BABAM2: variants seen among roughly 807,000 people sequenced by gnomAD.
BABAM2 encodes BRISC and BRCA1 A complex member 2.
A neutral mutation model predicts 54.7 loss-of-function variants in BABAM2; 31 were observed. The ratio of observed to expected loss-of-function variants is 0.57; its 90% CI spans 0.43 to 0.77. The LOEUF (loss-of-function observed/expected upper bound fraction) is 0.77, where lower values mean the gene tolerates loss of function less well. Among genes scored for constraint, BABAM2 ranks in the 30% least tolerant of loss-of-function variants. The pLI, the probability that BABAM2 is intolerant of heterozygous loss-of-function variation, is 0.00. For synonymous variants in BABAM2, 167 were observed against 162.9 expected (o/e 1.03, Z -0.19); for missense variants, 364 against 455.8 (o/e 0.80, Z 1.83).
intron 10 of BABAM2, among the ~76,000 whole-genome samples, chr2:28,255,216 G>C (rs1434428655): frequency 6.6e-6 from 1 of 152,114 alleles, no homozygotes; most frequent in Non-Finnish European, 1.5e-5. Flanking sequence ...AATCTTGAAA[G>C]CCTTTCTTTA....
intron 11 of BABAM2, among the ~76,000 whole-genome samples, chr2:28,330,211 C>T (rs1690830703): frequency 6.6e-6 from 1 of 152,144 alleles, no homozygotes; most frequent in Admixed American, 6.5e-5. Flanking sequence ...TTATGACAAA[C>T]CCACAGCCAA....
At chr2:28,065,731 C>T (rs1285883272) in intron 6 of BABAM2, among the ~76,000 whole-genome samples, 1 of 152,060 alleles carries the variant, frequency 6.6e-6, no homozygotes, top group South Asian at 2.1e-4. Context: ...TCTCCATTTG[C>T]CCTGCCTGGT....
rs138877211 is a variant in BABAM2 at position 28,274,009 on chromosome 2, G to A, written c.935-24329G>A. ...ACTCATTCCTGTGTTTGCCACTCCC[G>A]TGCCTTCACCCTTGCTTATAACCTG... On this transcript the variant is annotated intron_variant, in intron 10 of 11. Coordinates refer to ENST00000379624, the MANE Select transcript of BABAM2 (RefSeq NM_199191.3). 6.9e-3 allele frequency among the ~76,000 whole-genome samples: 1,056 copies of A among 152,272 alleles called. 13 individuals are homozygous for A. The highest frequency in any genetic ancestry group is 0.048 in the South Asian group (230 of 4,812).
intron 5 of BABAM2, among the ~76,000 whole-genome samples, chr2:28,031,507 C>T (rs919296470): frequency 1.3e-5 from 2 of 151,904 alleles, no homozygotes; most frequent in African/African-American, 4.8e-5. Flanking sequence ...TAGGGCTCAG[C>T]CAGTATGGGA....
chr2:28,185,181 A>G (rs1357941869), intron 7 of BABAM2, among the ~76,000 whole-genome samples: 1 of 152,232 alleles, frequency 6.6e-6, no homozygotes, highest in East Asian at 1.9e-4. Context: ...TTAAAGTAAC[A>G]TTAATATATT....
intron 6 of BABAM2, among the ~76,000 whole-genome samples, chr2:28,097,749 A>T (rs993684238): frequency 2.0e-5 from 3 of 152,030 alleles, no homozygotes; most frequent in Non-Finnish European, 4.4e-5. Context: ...TGAATATGCT[A>T]TTCTGTTTTC....
chr2:28,083,194 C>T (rs1171030054), intron 6 of BABAM2, among the ~76,000 whole-genome samples: 1 of 152,160 alleles, frequency 6.6e-6, no homozygotes, highest in African/African-American at 2.4e-5. Flanking sequence ...TTACCACGTC[C>T]TGAACTGCTG....
intron 10 of BABAM2, among the ~76,000 whole-genome samples, chr2:28,279,572 T>C (rs1686167744): frequency 6.6e-6 from 1 of 152,116 alleles, no homozygotes; most frequent in Non-Finnish European, 1.5e-5. Flanking sequence ...CAGAGTTCAT[T>C]TTTGCTTCAT....
chr2:28,120,341 A>G (rs1233757179), intron 6 of BABAM2, among the ~76,000 whole-genome samples: 1 of 152,228 alleles, frequency 6.6e-6, no homozygotes, highest in Non-Finnish European at 1.5e-5. Context: ...ACAAGTAAAT[A>G]TACAGTAAAT....
chr2:27,990,009 G>A lies in BABAM2; in HGVS notation c.300+1922G>A, dbSNP rs990511328. On this transcript the variant is annotated intron_variant, in intron 4 of 11. Coordinates refer to ENST00000379624, the MANE Select transcript of BABAM2 (RefSeq NM_199191.3). ...CACTCTTAAGATGTTTAGTCCCTGAGTGAAGTTATCACAAATGTTTTGAGA... is the reference window on the plus strand; with the variant it reads ...CACTCTTAAGATGTTTAGTCCCTGAATGAAGTTATCACAAATGTTTTGAGA... Among the ~76,000 whole-genome samples, 122 of 152,236 alleles carry A rather than the reference G, an allele frequency of 8.0e-4. 1 individual carries two copies. The highest frequency in any genetic ancestry group is 2.8e-3 in the African/African-American group (116 of 41,542).
chr2:28,007,580 A>G (rs1221330132), intron 4 of BABAM2, among the ~76,000 whole-genome samples: 1 of 152,114 alleles, frequency 6.6e-6, no homozygotes, highest in Admixed American at 6.6e-5. Context: ...AAGCACAATT[A>G]TAAGGTTTAT....
intron 2 of BABAM2, among the ~76,000 whole-genome samples, chr2:27,920,013 A>G (rs562329925): frequency 1.3e-5 from 2 of 152,302 alleles, no homozygotes; most frequent in East Asian, 3.9e-4. Flanking sequence ...TTGGAATCCT[A>G]TGCTAAGAAT....
intron 10 of BABAM2, among the ~76,000 whole-genome samples, chr2:28,256,725 C>T: frequency 7.8e-6 from 1 of 128,350 alleles, no homozygotes; most frequent in African/African-American, 2.9e-5. Context: ...GATGGAGTCT[C>T]GCTCTGTCAC....
At chr2:27,912,910 A>C (rs1363656173) in intron 2 of BABAM2, among the ~76,000 whole-genome samples, 6 of 152,216 alleles carry the variant, frequency 3.9e-5, no homozygotes, top group African/African-American at 1.4e-4. Flanking sequence ...TAGTAGAGAT[A>C]TCAAAAGAAC....
chr2:28,118,538 A>C (rs1465878099), intron 6 of BABAM2, among the ~76,000 whole-genome samples: 1 of 152,100 alleles, frequency 6.6e-6, no homozygotes, highest in African/African-American at 2.4e-5. Flanking sequence ...GTGTCTGTTC[A>C]TATCCTTTGC....
chr2:27,962,158 G>A (rs1670519894), intron 3 of BABAM2, among the ~76,000 whole-genome samples: 1 of 152,122 alleles, frequency 6.6e-6, no homozygotes, highest in Admixed American at 6.5e-5. Flanking sequence ...CACCCAGGCT[G>A]GAATGTACTG....
chr2:27,923,887 G>A (rs1236203393), intron 2 of BABAM2, among the ~76,000 whole-genome samples: 4 of 152,094 alleles, frequency 2.6e-5, no homozygotes, highest in Admixed American at 6.5e-5. Context: ...TGGGAGGATC[G>A]CCTGAGCTCG....
chr2:28,127,145 T>G (rs1245620720), intron 6 of BABAM2, among the ~76,000 whole-genome samples: 1 of 152,180 alleles, frequency 6.6e-6, no homozygotes, highest in African/African-American at 2.4e-5. Flanking sequence ...TTAGTTTAAT[T>G]AGATCCCATT....
chr2:27,947,970 A>G (rs1669422181), intron 3 of BABAM2, among the ~76,000 whole-genome samples: 1 of 152,086 alleles, frequency 6.6e-6, no homozygotes, highest in Admixed American at 6.5e-5. Context: ...TTATATTGAA[A>G]CCACAGTTTT....
Sources: gnomAD v4.1 joint callset for allele counts (sites outside exome capture counted in the v4.1 genomes callset) on GRCh38, gnomAD v4.1.1 for gene constraint, MANE v1.5 for transcripts, NCBI Gene and HGNC (gene_info 2026-07-23, HGNC 2026-07-21) for gene names.